Variants in TMC5 observed in about 807,000 individuals in gnomAD.
The protein encoded by TMC5 is transmembrane channel like 5.
TMC5 carries 86 observed loss-of-function variants against 110.5 expected under a neutral mutation model. The ratio of observed to expected loss-of-function variants is 0.78; its 90% confidence interval spans 0.65 to 0.93. TMC5 has a LOEUF of 0.93. Ranked by LOEUF, TMC5 falls within the 40% of genes least tolerant of loss-of-function variation. TMC5 has a pLI of 0.00. For synonymous variants in TMC5, 455 were observed against 439.5 expected (o/e 1.04, Z -0.44); for missense variants, 1,144 against 1,222.8 (o/e 0.94, Z 0.96).
At chr16:19,456,918 G>A (rs758133692) in intron 5 of TMC5, 23 of 1,614,154 alleles carry the variant, frequency 1.4e-5, no homozygotes, top group Non-Finnish European at 1.6e-5. Flanking sequence ...CAGGTGCTGC[G>A]GTTTTCAACA....
intron 2 of TMC5, among the ~76,000 whole-genome samples, chr16:19,435,710 T>C (rs1216932108): frequency 6.6e-6 from 1 of 152,180 alleles, no homozygotes. Flanking sequence ...AGGTAGCCAC[T>C]ATTTTGACTT....
intron 4 of TMC5, 61 bp downstream of exon 4, chr16:19,444,311 G>A: frequency 6.6e-7 from 1 of 1,507,696 alleles, no homozygotes; most frequent in Admixed American, 1.8e-5. Context: ...TGGATTTAGG[G>A]GTGCAATCAT....
intron 1 of TMC5, among the ~76,000 whole-genome samples, chr16:19,412,490 C>G (rs1269502779): frequency 1.3e-5 from 2 of 152,120 alleles, no homozygotes; most frequent in East Asian, 3.9e-4. Context: ...CTCAACCTCC[C>G]AAGTAGCTGA....
intron 13 of TMC5, among the ~76,000 whole-genome samples, chr16:19,478,521 T>C (rs1392912892): frequency 2.0e-5 from 3 of 152,086 alleles, no homozygotes; most frequent in Admixed American, 1.3e-4. Context: ...CATGCATCTA[T>C]TCATCTGTCC....
upstream of TMC5, among the ~76,000 whole-genome samples, chr16:19,415,929 C>A (rs1197764939): frequency 1.3e-5 from 2 of 152,060 alleles, no homozygotes; most frequent in African/African-American, 4.8e-5. Flanking sequence ...GCCTGTAATC[C>A]CAACACCTTG....
intron 10 of TMC5, among the ~76,000 whole-genome samples, chr16:19,470,872 A>T (rs767802946): frequency 1.3e-5 from 2 of 151,906 alleles, no homozygotes; most frequent in African/African-American, 2.4e-5. Flanking sequence ...TCTCTACTAA[A>T]AAAAGGACAA....
At chr16:19,435,187 T>A (rs1967314225) in intron 2 of TMC5, among the ~76,000 whole-genome samples, 1 of 152,086 alleles carries the variant, frequency 6.6e-6, no homozygotes. Flanking sequence ...TTTCTCATTT[T>A]CTTTTTAAAA....
chr16:19,490,297 A>G, intron 17 of TMC5, 98 bp from the exon 18 acceptor site: 1 of 1,209,730 alleles, frequency 8.3e-7, no homozygotes, highest in Non-Finnish European at 1.2e-6. Flanking sequence ...GCAAGACTTG[A>G]TGTTTTCAGG....
intron 15 of TMC5, among the ~76,000 whole-genome samples, chr16:19,483,448 C>G (rs1221708183): frequency 6.6e-6 from 1 of 152,178 alleles, no homozygotes; most frequent in Non-Finnish European, 1.5e-5. Flanking sequence ...CTGTGCTTGT[C>G]TGAACCTCAG....
intron 12 of TMC5, among the ~76,000 whole-genome samples, chr16:19,476,419 AT>A (rs1968490607): frequency 1.3e-5 from 2 of 152,154 alleles, no homozygotes; most frequent in Admixed American, 1.3e-4. Context: ...TGCCCTCATT[AT>A]TCCCCACATC....
intron 1 of TMC5, among the ~76,000 whole-genome samples, chr16:19,429,850 G>A (rs974619522): frequency 6.6e-6 from 1 of 151,684 alleles, no homozygotes; most frequent in Non-Finnish European, 1.5e-5. Context: ...GGGAATCACT[G>A]TGCCTGGCCC....
intron 5 of TMC5, among the ~76,000 whole-genome samples, chr16:19,452,339 A>G (rs1490998779): frequency 6.6e-6 from 1 of 152,200 alleles, no homozygotes. Context: ...GTCTTCAGCT[A>G]TCAGAAAGCT....
At chr16:19,484,770 G>GA (rs79947486) in intron 15 of TMC5, among the ~76,000 whole-genome samples, 14,081 of 103,864 alleles carry the variant, frequency 0.14, 1,711 homozygotes, top group African/African-American at 0.35. Flanking sequence ...TCTCAAAAAG[G>GA]AAAAAAAAAA....
intron 1 of TMC5, among the ~76,000 whole-genome samples, chr16:19,426,065 T>G (rs1248940183): frequency 6.6e-6 from 1 of 152,250 alleles, no homozygotes; most frequent in Non-Finnish European, 1.5e-5. Flanking sequence ...TGCCTGGCAC[T>G]GATATATAAG....
chr16:19,486,378 C>T (rs1246169261), intron 15 of TMC5, among the ~76,000 whole-genome samples: 1 of 152,050 alleles, frequency 6.6e-6, no homozygotes, highest in Non-Finnish European at 1.5e-5. Flanking sequence ...GTCCTAATCT[C>T]TTCTTTTTTT....
At chr16:19,440,858 G>A (rs1967471495) in intron 3 of TMC5, 32 bp downstream of exon 3, 1 of 1,584,294 alleles carries the variant, frequency 6.3e-7, no homozygotes. Flanking sequence ...TTCACTGGGA[G>A]TGGATGCTGA....
At chr16:19,490,332 G>A in intron 17 of TMC5, 63 bp from the exon 18 acceptor site, 1 of 1,547,928 alleles carries the variant, frequency 6.5e-7, no homozygotes, top group Non-Finnish European at 8.9e-7. Flanking sequence ...GGGACACCCT[G>A]ATTCTAGAAT....
At chr16:19,474,988 G>A (rs942333138) in intron 12 of TMC5, 4 of 152,264 alleles carry the variant, frequency 2.6e-5, no homozygotes, top group Admixed American at 6.5e-5. Flanking sequence ...CCCATGGGGT[G>A]CCTTTTTGTG....
chr16:19,441,505 G>A (rs2143472147), intron 3 of TMC5, among the ~76,000 whole-genome samples: 1 of 151,986 alleles, frequency 6.6e-6, no homozygotes, highest in Non-Finnish European at 1.5e-5. Flanking sequence ...TTTTTGTATA[G>A]AGATGGTGTT....
Sources: gnomAD v4.1 joint callset for allele counts (sites outside exome capture counted in the v4.1 genomes callset) on GRCh38, gnomAD v4.1.1 for gene constraint, MANE v1.5 for transcripts, NCBI Gene and HGNC (gene_info 2026-07-23, HGNC 2026-07-21) for gene names.